The following MYT1L variants were observed in gnomAD, a reference collection of about 807,000 sequenced individuals.
MYT1L encodes myelin transcription factor 1-like protein.
MYT1L carries 12 observed loss-of-function variants against 126.7 expected under a neutral mutation model. The observed-to-expected ratio is 0.09, with a 90% CI of 0.06 to 0.15. MYT1L has a LOEUF of 0.15. MYT1L is among the 10% of genes least tolerant of loss of function. MYT1L has a pLI of 1.00. For missense variants in MYT1L, 979 were observed against 1,585.2 expected, an observed-to-expected ratio of 0.62 and a Z score of 6.49; for synonymous variants, 541 against 604.2, an observed-to-expected ratio of 0.90 and a Z score of 1.53.
chr2:2,040,665 G>A (rs776780361), intron 4 of MYT1L, among the ~76,000 whole-genome samples: 6 of 152,104 alleles, frequency 3.9e-5, no homozygotes, highest in African/African-American at 1.4e-4. Flanking sequence ...GGAAAATTAC[G>A]AACATGTGAT....
intron 8 of MYT1L, among the ~76,000 whole-genome samples, chr2:1,973,470 G>A (rs1055209058): frequency 1.3e-5 from 2 of 151,928 alleles, no homozygotes; most frequent in African/African-American, 4.8e-5. Context: ...ATATCAACAT[G>A]CAAAGCCAAA....
chr2:2,043,901 G>A lies in MYT1L; in HGVS notation c.-158+10077C>T, dbSNP rs114945957. On this transcript the variant is annotated intron_variant, in intron 4 of 24. Transcript: ENST00000647738. Reference sequence around the variant, plus strand: ...ATAAGGCAAAATTTTGACTGATGGAGAATTTGATGGATTAGAGAGAAGACA... The same window carrying A: ...ATAAGGCAAAATTTTGACTGATGGAAAATTTGATGGATTAGAGAGAAGACA... Among the ~76,000 whole-genome samples, 294 of 152,220 alleles carry A rather than the reference G, an allele frequency of 1.9e-3. 1 individual carries two copies. The highest frequency in any genetic ancestry group is 6.6e-3 in the African/African-American group (276 of 41,526).
intron 11 of MYT1L, among the ~76,000 whole-genome samples, chr2:1,914,245 C>T (rs1218201063): frequency 2.0e-5 from 3 of 151,842 alleles, no homozygotes; most frequent in Non-Finnish European, 4.4e-5. Context: ...CAGAGCGAGA[C>T]TCTGTCTAAA....
At position 2,283,817 on chromosome 2, in the gene MYT1L, T is replaced by C. The variant is rs2149418280; in HGVS notation, c.-421+587A>G. On this transcript the variant is annotated intron_variant, in intron 2 of 24. Transcript: ENST00000647738. ...GAAAAAGGAAACTACAGCCTCAAAA[T>C]GGGGCTCTGATTGGAAGTAAGCTCT... is the stretch of plus-strand genomic sequence containing the variant. 1.3e-5 allele frequency among the ~76,000 whole-genome samples: 2 copies of C among 152,292 alleles called. 1 individual carries two copies. Among genetic ancestry groups the C allele is most frequent in the East Asian group, 3.9e-4 (2 of 5,176 alleles).
At chr2:1,993,261 C>G (rs968065711) in intron 5 of MYT1L, among the ~76,000 whole-genome samples, 1 of 152,168 alleles carries the variant, frequency 6.6e-6, no homozygotes, top group African/African-American at 2.4e-5. Context: ...GTTACATTAT[C>G]GGGTTGAAGT....
intron 4 of MYT1L, among the ~76,000 whole-genome samples, chr2:2,045,384 G>T (rs1355299875): frequency 1.3e-5 from 2 of 152,206 alleles, no homozygotes; most frequent in Non-Finnish European, 1.5e-5. Flanking sequence ...AGGCCTGGTG[G>T]GAGAGGCTCT....
chr2:2,077,079 T>C (rs1010036445), intron 3 of MYT1L, among the ~76,000 whole-genome samples: 42 of 151,980 alleles, frequency 2.8e-4, no homozygotes, highest in African/African-American at 1.0e-3. Context: ...TTAGAGAAGC[T>C]CAATAACAAA....
intron 18 of MYT1L, among the ~76,000 whole-genome samples, chr2:1,867,944 A>G (rs1289615176): frequency 6.6e-6 from 1 of 151,904 alleles, no homozygotes; most frequent in Non-Finnish European, 1.5e-5. Flanking sequence ...TAAACCTTCA[A>G]TGGGAAGCAA....
At chr2:1,999,504 G>A (rs2062165954) in intron 4 of MYT1L, among the ~76,000 whole-genome samples, 1 of 152,032 alleles carries the variant, frequency 6.6e-6, no homozygotes, top group Non-Finnish European at 1.5e-5. Flanking sequence ...TATTTTGGGT[G>A]TAAAGACAAA....
At chr2:2,230,246 G>C (rs1235380854) in intron 2 of MYT1L, among the ~76,000 whole-genome samples, 1 of 152,170 alleles carries the variant, frequency 6.6e-6, no homozygotes, top group Non-Finnish European at 1.5e-5. Context: ...GCTGGGTTCA[G>C]CCTGTGGGAG....
intron 5 of MYT1L, among the ~76,000 whole-genome samples, chr2:1,990,533 G>C (rs2061375788): frequency 6.6e-6 from 1 of 152,116 alleles, no homozygotes; most frequent in East Asian, 1.9e-4. Flanking sequence ...GGAAGAGTGG[G>C]GTAAGGAGCT....
intron 3 of MYT1L, among the ~76,000 whole-genome samples, chr2:2,124,829 T>G (rs2081481765): frequency 6.6e-6 from 1 of 152,148 alleles, no homozygotes; most frequent in South Asian, 2.1e-4. Flanking sequence ...GGCACAGACA[T>G]GTCCACCTGT....
intron 4 of MYT1L, among the ~76,000 whole-genome samples, chr2:2,051,369 T>C (rs866706989): frequency 2.0e-5 from 3 of 152,216 alleles, no homozygotes; most frequent in Admixed American, 6.5e-5. Flanking sequence ...TCCTCTTTGA[T>C]TCCTCTGCTC....
chr2:1,892,037 C>T lies in MYT1L; in HGVS notation c.2283G>A (p.Arg761=), dbSNP rs2048954942. The T allele has an allele frequency of 8.5e-6, 13 of 1,525,242 alleles. No homozygotes were observed. The highest frequency in any genetic ancestry group is 2.8e-5 in the African/African-American group (2 of 72,624). The allele number at this position is 1,525,242 out of a possible 1,614,324, so 94.5% of individuals were successfully genotyped here. A position where few individuals can be genotyped will look rare whatever the true frequency, so the allele number is the denominator to read the frequency against. The change falls in exon 15 of 25, where the codon CGG becomes CGA. Residue 761 remains arginine, a splice_region_variant and synonymous_variant. Coordinates refer to ENST00000647738, the MANE Select transcript of MYT1L (RefSeq NM_001303052.2). ...GCTCCACCTGCCCAGGCGCGCGTAC[C>T]CGCGTGGCGCACAGGTCCTGCGGCT... ...STKPQDLCAT[R]NPDMEVDENG...
chr2:2,069,479 C>T, intron 3 of MYT1L, among the ~76,000 whole-genome samples: 1 of 152,132 alleles, frequency 6.6e-6, no homozygotes, highest in East Asian at 1.9e-4. Context: ...CATTGATAGG[C>T]ATTTGGGTTG....
chr2:2,117,568 A>C (rs1305447756), intron 3 of MYT1L, among the ~76,000 whole-genome samples: 3 of 152,186 alleles, frequency 2.0e-5, no homozygotes, highest in Admixed American at 6.5e-5. Flanking sequence ...ATTGGGCAGA[A>C]CACAATCCAT....
At chr2:2,080,557 T>C (rs896948603) in intron 3 of MYT1L, among the ~76,000 whole-genome samples, 1 of 152,124 alleles carries the variant, frequency 6.6e-6, no homozygotes, top group Non-Finnish European at 1.5e-5. Flanking sequence ...AAATGGACAA[T>C]AATCTCATGA....
At chr2:2,292,343 T>C (rs923295177) in intron 1 of MYT1L, among the ~76,000 whole-genome samples, 2 of 152,188 alleles carry the variant, frequency 1.3e-5, no homozygotes, top group Non-Finnish European at 2.9e-5. Flanking sequence ...AAACGTTACA[T>C]GAAAACAAAC....
At chr2:2,186,680 CT>C (rs1443353332) in intron 2 of MYT1L, among the ~76,000 whole-genome samples, 1 of 152,198 alleles carries the variant, frequency 6.6e-6, no homozygotes, top group Non-Finnish European at 1.5e-5. Flanking sequence ...GATGCCTACA[CT>C]TACTAACTCT....
Sources: gnomAD v4.1 joint callset for allele counts (sites outside exome capture counted in the v4.1 genomes callset) on GRCh38, gnomAD v4.1.1 for gene constraint, MANE v1.5 for transcripts, NCBI Gene and HGNC (gene_info 2026-07-23, HGNC 2026-07-21) for gene names.